The following OVOL2 variants were observed in gnomAD, a reference collection of about 807,000 sequenced individuals.
The protein encoded by OVOL2 is transcription factor Ovo-like 2.
A neutral mutation model predicts 18.1 loss-of-function variants in OVOL2; 13 were observed. The observed-to-expected ratio is 0.72, with a 90% confidence interval of 0.47 to 1.14. OVOL2 has a LOEUF of 1.14. Ranked by LOEUF, OVOL2 falls within the 50% of genes most tolerant of loss-of-function variation. The probability of loss-of-function intolerance (pLI) is 0.00; values close to 1 mark genes in which losing one functional copy is unlikely to be tolerated. For synonymous variants in OVOL2, 166 were observed against 162.7 expected (o/e 1.02, Z -0.16); for missense variants, 335 against 383.0 (o/e 0.87, Z 1.05).
At position 18,024,825 on chromosome 20, in the gene OVOL2, G is replaced by C. The variant is rs1421258455; in HGVS notation, c.639C>G (p.Leu213=). 1.2e-6 allele frequency: 2 copies of C among 1,614,212 alleles called. No homozygotes were observed. The highest frequency in any genetic ancestry group is 1.7e-6 in the Non-Finnish European group (2 of 1,180,042). Reference sequence around the variant, plus strand: ...TGTAGCCGCAATCCTCGCAGACGTAGAGCTTGTCCCGCCGCTGCTTATAGG... The same window carrying C: ...TGTAGCCGCAATCCTCGCAGACGTACAGCTTGTCCCGCCGCTGCTTATAGG... ...QYAYKQRRDK[L]YVCEDCGYTG... is the part of the protein sequence containing the mutation. The change falls in exon 4 of 4, where the codon CTC becomes CTG. Residue 213 remains leucine, a synonymous_variant. Transcript: ENST00000278780.
chr20:18,033,416 A>G (rs1310321194), intron 3 of OVOL2, among the ~76,000 whole-genome samples: 6 of 152,152 alleles, frequency 3.9e-5, no homozygotes, highest in Non-Finnish European at 8.8e-5. Context: ...TATAACCAGC[A>G]TGGGTTTATG....
chr20:18,040,071 C>T (rs552753128), intron 3 of OVOL2, among the ~76,000 whole-genome samples: 2 of 152,254 alleles, frequency 1.3e-5, no homozygotes, highest in South Asian at 2.1e-4. Flanking sequence ...ACTATAGGCA[C>T]GCACCACCAC....
intron 3 of OVOL2, among the ~76,000 whole-genome samples, chr20:18,033,515 C>T (rs1423533786): frequency 6.6e-6 from 1 of 152,248 alleles, no homozygotes; most frequent in East Asian, 1.9e-4. Flanking sequence ...TGGCCCTTTA[C>T]GCTGTCTTCT....
chr20:18,046,226 A>G (rs2036723290), intron 2 of OVOL2, among the ~76,000 whole-genome samples: 1 of 152,238 alleles, frequency 6.6e-6, no homozygotes, highest in African/African-American at 2.4e-5. Flanking sequence ...ATTTATCCCT[A>G]AAAGTATATT....
intron 3 of OVOL2, among the ~76,000 whole-genome samples, chr20:18,026,593 G>C (rs544417662): frequency 2.5e-3 from 381 of 152,244 alleles, no homozygotes; most frequent in Non-Finnish European, 3.7e-3. Flanking sequence ...ATGTTAGCCA[G>C]AATGGTCTCG....
intron 2 of OVOL2, among the ~76,000 whole-genome samples, chr20:18,053,701 CAAA>C (rs3078037): frequency 6.8e-4 from 73 of 106,980 alleles, no homozygotes; most frequent in East Asian, 1.2e-3. Flanking sequence ...GACTCTGTCT[CAAA>C]AAAAAAAAAA....
rs1403076397 is a variant in OVOL2 at position 18,056,693 on chromosome 20, C to G, written c.285G>C (p.Ala95=). 1 of 1,446,964 alleles carries G rather than the reference C, an allele frequency of 6.9e-7. No individual in the cohort carries two copies. Among genetic ancestry groups the G allele is most frequent in the Non-Finnish European group, 9.0e-7 (1 of 1,105,054 alleles). The allele number at this position is 1,446,964 out of a possible 1,614,324, so 89.6% of individuals were successfully genotyped here. The stretch of plus-strand genomic sequence containing the variant: ...ATCTGGCGACCGGGCGCTGCTTGGT[C>G]GCCAGGTGTCCATCGGGGCCCTCGG... ...GDAEGPDGHL[A]TKQRPVARSK... Residue 95 remains alanine (A), a synonymous_variant, in exon 2 of 4, where the codon GCG becomes GCC. Transcript: ENST00000278780. The surrounding 1 kb of genome is among the most constrained non-coding windows in gnomAD (Gnocchi z 4.2).
At chr20:18,027,541 AAT>A (rs1464420688) in intron 3 of OVOL2, among the ~76,000 whole-genome samples, 3 of 138,708 alleles carry the variant, frequency 2.2e-5, no homozygotes, top group Admixed American at 7.2e-5. Flanking sequence ...AAAAAAAAAA[AAT>A]AAGTAAATAA....
At chr20:18,030,391 AT>A (rs1297271227) in intron 3 of OVOL2, among the ~76,000 whole-genome samples, 1 of 152,170 alleles carries the variant, frequency 6.6e-6, no homozygotes, top group Non-Finnish European at 1.5e-5. Flanking sequence ...CAAACTAAAA[AT>A]ATGGGGAAGC....
intron 2 of OVOL2, among the ~76,000 whole-genome samples, chr20:18,049,554 C>A (rs1200816434): frequency 6.6e-6 from 1 of 151,598 alleles, no homozygotes. Context: ...TTCAGATTCC[C>A]CCCCCGATCC....
chr20:18,038,888 A>C (rs1292569061), intron 3 of OVOL2, among the ~76,000 whole-genome samples: 2 of 152,068 alleles, frequency 1.3e-5, no homozygotes, highest in Non-Finnish European at 2.9e-5. Flanking sequence ...GACAACCTCG[A>C]GACCTCCCCT....
chr20:18,052,548 C>CT (rs1164711810), intron 2 of OVOL2, among the ~76,000 whole-genome samples: 2 of 151,984 alleles, frequency 1.3e-5, no homozygotes, highest in Admixed American at 6.6e-5. Flanking sequence ...GTTGTTGGGG[C>CT]TGGGTGGCAG....
chr20:18,030,841 C>T lies in OVOL2; in HGVS notation c.512-5889G>A, dbSNP rs562202244. On this transcript the variant is annotated intron_variant, in intron 3 of 3. Coordinates refer to ENST00000278780, the MANE Select transcript of OVOL2 (RefSeq NM_021220.4). ...CTGCTTCCCCATTTGCTAGTGTAAA[C>T]GCCACCATTCACCCCTCATTCACTG... Among the ~76,000 whole-genome samples the T allele has an allele frequency of 1.7e-4, 26 of 152,334 alleles. No individual in the cohort carries two copies. The South Asian group carries it at 3.9e-3, about 23-fold the overall frequency.
chr20:18,046,501 C>T (rs1327361041), intron 2 of OVOL2, among the ~76,000 whole-genome samples: 2 of 152,198 alleles, frequency 1.3e-5, no homozygotes, highest in Non-Finnish European at 2.9e-5. Flanking sequence ...AACTGCCCTG[C>T]TAAGCCCAGT....
chr20:18,056,634 C>T lies in OVOL2; in HGVS notation c.321+23G>A. The T allele has an allele frequency of 1.3e-5, 18 of 1,378,560 alleles. No homozygotes were observed. The highest frequency in any genetic ancestry group is 1.8e-5 in the South Asian group (1 of 56,964). The allele number at this position is 1,378,560 out of a possible 1,614,324, so 85.4% of individuals were successfully genotyped here. On this transcript the variant is annotated intron_variant, in intron 2 of 3. Transcript: ENST00000278780. The surrounding 1 kb of genome is among the most constrained non-coding windows in gnomAD (Gnocchi z 4.2). ...CGCCAGGGCGTGGTGCAGGTGGCGGCGGGGGCAGAGTCGACACAGTACCTT... is the reference window on the plus strand; with the variant it reads ...CGCCAGGGCGTGGTGCAGGTGGCGGTGGGGGCAGAGTCGACACAGTACCTT...
intron 3 of OVOL2, among the ~76,000 whole-genome samples, chr20:18,034,655 A>T (rs74887324): frequency 0.21 from 26,634 of 124,272 alleles, 2,804 homozygotes; most frequent in East Asian, 0.37. Context: ...TCTCTCTCAC[A>T]CACACACACA....
chr20:18,049,757 A>T (rs972522003), intron 2 of OVOL2, among the ~76,000 whole-genome samples: 1 of 152,188 alleles, frequency 6.6e-6, no homozygotes, highest in East Asian at 1.9e-4. Context: ...GTGGTCCGTC[A>T]TCTGCAAAAC....
intron 3 of OVOL2, among the ~76,000 whole-genome samples, chr20:18,026,060 G>C (rs2036512043): frequency 6.6e-6 from 1 of 152,224 alleles, no homozygotes; most frequent in African/African-American, 2.4e-5. Flanking sequence ...TCTCATGCTG[G>C]CATTAGAACT....
At chr20:18,048,631 T>G (rs1049783162) in intron 2 of OVOL2, among the ~76,000 whole-genome samples, 2 of 151,934 alleles carry the variant, frequency 1.3e-5, no homozygotes, top group African/African-American at 4.8e-5. Flanking sequence ...GAGGCTGAGG[T>G]GGGGGGCGGC....
Sources: allele counts gnomAD v4.1 joint callset (sites outside exome capture counted in the v4.1 genomes callset), GRCh38; gene constraint gnomAD v4.1.1; non-coding constraint Gnocchi (gnomAD v3.1); transcripts MANE v1.5; gene names NCBI Gene and HGNC (gene_info 2026-07-23, HGNC 2026-07-21).